BMAL1: variants seen among roughly 807,000 people sequenced by gnomAD.
The protein encoded by BMAL1 is basic helix-loop-helix ARNT-like protein 1.
the BMAL1 span, among the ~76,000 whole-genome samples, chr11:13,339,687 C>G: frequency 6.6e-6 from 1 of 152,144 alleles, no homozygotes; most frequent in Non-Finnish European, 1.5e-5. Context: ...TAGCTGTCCT[C>G]TGCCTGGAAC....
the BMAL1 span, among the ~76,000 whole-genome samples, chr11:13,382,291 C>CAAAG: frequency 2.4e-5 from 2 of 83,230 alleles, no homozygotes; most frequent in Admixed American, 2.5e-4. Context: ...GGTAAGACTA[C>CAAAG]AAAGTAAGAC....
chr11:13,297,559 G>T, the BMAL1 span, among the ~76,000 whole-genome samples: 3 of 152,214 alleles, frequency 2.0e-5, no homozygotes, highest in Non-Finnish European at 4.4e-5. Context: ...TGGTGTGAGG[G>T]TGGGCAGGCT....
At chr11:13,315,612 C>T in the BMAL1 span, among the ~76,000 whole-genome samples, 8 of 152,266 alleles carry the variant, frequency 5.3e-5, no homozygotes, top group South Asian at 2.1e-4. Flanking sequence ...CCCTTCTATA[C>T]GCCACCGTTC....
chr11:13,355,541 C>G, the BMAL1 span, among the ~76,000 whole-genome samples: 1 of 152,188 alleles, frequency 6.6e-6, no homozygotes, highest in Non-Finnish European at 1.5e-5. Context: ...CTCTGGTTTG[C>G]TAATCTTCTG....
chr11:13,370,480 C>T, the BMAL1 span, among the ~76,000 whole-genome samples: 1 of 152,236 alleles, frequency 6.6e-6, no homozygotes, highest in African/African-American at 2.4e-5. Context: ...GCCTCTCCTC[C>T]AGCATAAATG....
chr11:13,381,172 C>T, the BMAL1 span: 2 of 1,614,114 alleles, frequency 1.2e-6, no homozygotes, highest in Non-Finnish European at 1.7e-6. Context: ...ATAAGAGGGT[C>T]ATCGCCTTCT....
chr11:13,358,695 T>C, the BMAL1 span: 95 of 1,237,870 alleles, frequency 7.7e-5, no homozygotes, highest in Non-Finnish European at 9.8e-5. Context: ...TACTTGCAAT[T>C]ATGTAGCCTT....
chr11:13,295,945 T>C, the BMAL1 span, among the ~76,000 whole-genome samples: 2 of 152,176 alleles, frequency 1.3e-5, no homozygotes, highest in African/African-American at 2.4e-5. Context: ...AGTCTGGCTT[T>C]GGCATGCAAT....
the BMAL1 span, chr11:13,354,230 C>A: frequency 5.9e-6 from 5 of 854,012 alleles, no homozygotes; most frequent in South Asian, 6.1e-5. Context: ...CAAGCACCAA[C>A]CTGGGTTCTC....
chr11:13,319,752 C>T, the BMAL1 span, among the ~76,000 whole-genome samples: 2 of 152,214 alleles, frequency 1.3e-5, no homozygotes. Context: ...AGCCAAATCA[C>T]AGCTTCCTTT....
chr11:13,328,553 C>T, the BMAL1 span, among the ~76,000 whole-genome samples: 5 of 152,228 alleles, frequency 3.3e-5, no homozygotes, highest in African/African-American at 2.4e-5. Flanking sequence ...TTTGAGGCCC[C>T]GCAGAAAGAA....
At chr11:13,376,980 G>A in the BMAL1 span, among the ~76,000 whole-genome samples, 8 of 152,160 alleles carry the variant, frequency 5.3e-5, no homozygotes, top group South Asian at 1.2e-3. Context: ...CCTTGAGCTC[G>A]CAAACTCCCT....
the BMAL1 span, among the ~76,000 whole-genome samples, chr11:13,347,622 G>A: frequency 6.6e-6 from 1 of 152,048 alleles, no homozygotes; most frequent in Admixed American, 6.6e-5. Context: ...CGAGATGGGC[G>A]GATTGCTTGA....
chr11:13,321,712 C>CA, the BMAL1 span, among the ~76,000 whole-genome samples: 3 of 151,996 alleles, frequency 2.0e-5, no homozygotes, highest in East Asian at 5.8e-4. Flanking sequence ...TCATAATTGA[C>CA]AAAAAACACA....
At chr11:13,324,811 C>G in the BMAL1 span, among the ~76,000 whole-genome samples, 1 of 152,128 alleles carries the variant, frequency 6.6e-6, no homozygotes, top group Non-Finnish European at 1.5e-5. Flanking sequence ...TGCATGCAAG[C>G]GAAGACTTTG....
At chr11:13,354,752 T>A in the BMAL1 span, 1 of 326,764 alleles carries the variant, frequency 3.1e-6, no homozygotes, top group Non-Finnish European at 5.7e-6. Context: ...TCTTCTTTCT[T>A]TGCTCCTTTG....
chr11:13,327,247 T>G, the BMAL1 span, among the ~76,000 whole-genome samples: 1 of 148,790 alleles, frequency 6.7e-6, no homozygotes, highest in East Asian at 2.0e-4. Flanking sequence ...AAAAAAAAAT[T>G]AAGAAAAATA....
the BMAL1 span, chr11:13,378,507 C>A: frequency 5.7e-5 from 89 of 1,554,344 alleles, no homozygotes; most frequent in African/African-American, 1.1e-3. Flanking sequence ...GAAATTTTTT[C>A]CCCCAGGCAA....
the BMAL1 span, among the ~76,000 whole-genome samples, chr11:13,294,408 G>A: frequency 1.2e-3 from 1 of 850 alleles, no homozygotes; most frequent in Non-Finnish European, 5.6e-3. Context: ...ATTTTTCAAC[G>A]AGTGTGAATT....
Sources: allele counts gnomAD v4.1 joint callset (sites outside exome capture counted in the v4.1 genomes callset), GRCh38; gene constraint gnomAD v4.1.1; transcripts MANE v1.5; gene names NCBI Gene and HGNC (gene_info 2026-07-23, HGNC 2026-07-21).